Variants in SSU72 observed in about 807,000 individuals in gnomAD.
SSU72 encodes the protein RNA polymerase II subunit A C-terminal domain phosphatase SSU72.
A neutral mutation model predicts 22.7 loss-of-function variants in SSU72; 12 were observed. The observed-to-expected ratio is 0.53, with a 90% confidence interval of 0.34 to 0.86. The LOEUF (loss-of-function observed/expected upper bound fraction) is 0.86. Ranked by LOEUF, SSU72 falls within the 40% of genes least tolerant of loss-of-function variation. The pLI is 0.02. For synonymous variants in SSU72, 116 were observed against 98.3 expected (o/e 1.18, Z -1.06); for missense variants, 151 against 249.8 (o/e 0.60, Z 2.67).
chr1:1,572,457 T>G (rs1009583512), intron 1 of SSU72, among the ~76,000 whole-genome samples: 1 of 150,394 alleles, frequency 6.6e-6, no homozygotes, highest in Non-Finnish European at 1.5e-5. Context: ...CAACTTTATT[T>G]TATTTATGTA....
chr1:1,547,196 C>G (rs1447423898), intron 2 of SSU72, among the ~76,000 whole-genome samples: 4 of 152,108 alleles, frequency 2.6e-5, no homozygotes, highest in Non-Finnish European at 4.4e-5. Context: ...CCCTGCACAT[C>G]CCTGAGCAAG....
In SSU72 at chr1:1,542,232, G is replaced by A; in HGVS notation, c.484-65C>T. Reference sequence around the variant, plus strand: ...TGCCTGTCTGCTCCCCCTAACACCTGGATCGCCAGGGAAACGCCAGGCCTG... The same window carrying A: ...TGCCTGTCTGCTCCCCCTAACACCTAGATCGCCAGGGAAACGCCAGGCCTG... On this transcript the variant is annotated intron_variant, in intron 4 of 4. Coordinates refer to ENST00000291386, the MANE Select transcript of SSU72 (RefSeq NM_014188.3). The surrounding 1 kb of genome is among the most constrained non-coding windows in gnomAD (Gnocchi z 4.4). The A allele has an allele frequency of 4.8e-6, 7 of 1,467,744 alleles. No homozygotes were observed. Among genetic ancestry groups the A allele is most frequent in the Non-Finnish European group, 6.5e-6 (7 of 1,072,962 alleles). 90.9% of individuals were successfully genotyped at this position (1,467,744 alleles called of 1,614,324 possible). A position where few individuals can be genotyped will look rare whatever the true frequency, so the allele number is the denominator to read the frequency against.
At chr1:1,559,733 T>C (rs1642564225) in intron 2 of SSU72, among the ~76,000 whole-genome samples, 2 of 113,794 alleles carry the variant, frequency 1.8e-5, no homozygotes. Flanking sequence ...CTACTTTTTG[T>C]ATTTTATTTT....
At position 1,574,781 on chromosome 1, in the gene SSU72, G is replaced by A. The variant is rs1368979905; in HGVS notation, c.-224C>T. On this transcript the variant is annotated 5_prime_UTR_variant, in exon 1 of 5. Coordinates refer to ENST00000291386, the MANE Select transcript of SSU72 (RefSeq NM_014188.3). The stretch of plus-strand genomic sequence containing the variant: ...GGCCTTCGGGCGCGCTGCACTCGGC[G>A]AGGCCGGGGGCGGCCAACGCCGCGC... 1.3e-5 allele frequency: 3 copies of A among 232,758 alleles called. No individual in the cohort carries two copies. Among genetic ancestry groups the A allele is most frequent in the African/African-American group, 4.7e-5 (2 of 42,530 alleles). 14.4% of individuals were successfully genotyped at this position (232,758 alleles called of 1,614,324 possible).
chr1:1,573,265 C>CAAAAA (rs57824669), intron 1 of SSU72, among the ~76,000 whole-genome samples: 1,687 of 131,284 alleles, frequency 0.013, 40 homozygotes, highest in African/African-American at 0.032. Flanking sequence ...ACTAAAAATA[C>CAAAAA]AAAAAAAAAA....
Position 1,542,245 on chromosome 1 carries a change from A to C in SSU72, c.484-78T>G. The C allele has an allele frequency of 7.2e-7, 1 of 1,389,830 alleles. No homozygotes were observed. The highest frequency in any genetic ancestry group is 1.0e-6 in the Non-Finnish European group (1 of 1,004,038). The allele number at this position is 1,389,830 out of a possible 1,614,324, so 86.1% of individuals were successfully genotyped here. A position where few individuals can be genotyped will look rare whatever the true frequency, so the allele number is the denominator to read the frequency against. ...CCCCTAACACCTGGATCGCCAGGGA[A>C]ACGCCAGGCCTGAGCCAGCAGAAAC... On this transcript the variant is annotated intron_variant, in intron 4 of 4. Transcript: ENST00000291386. This position sits in a 1 kb window ranked among gnomAD's most constrained non-coding sequence, Gnocchi z 4.4.
chr1:1,552,452 T>C (rs998907195), intron 2 of SSU72, among the ~76,000 whole-genome samples: 1 of 152,172 alleles, frequency 6.6e-6, no homozygotes, highest in African/African-American at 2.4e-5. Flanking sequence ...TCCTGACAAA[T>C]GATCCGGTGT....
intron 2 of SSU72, among the ~76,000 whole-genome samples, chr1:1,549,713 G>A (rs865962895): frequency 4.6e-5 from 7 of 151,014 alleles, no homozygotes; most frequent in South Asian, 2.1e-4. Context: ...AGTGGCTCAC[G>A]CCTGTAATCC....
chr1:1,564,910 C>G lies in SSU72; in HGVS notation c.87G>C (p.Arg29=). Reference sequence around the variant, plus strand: ...TTCCAAAGGATCGGACGCTGAATCCCCGTTTGCTGAAAGACAAAAGGAGAG... The same window carrying G: ...TTCCAAAGGATCGGACGCTGAATCCGCGTTTGCTGAAAGACAAAAGGAGAG... ...SMEAHNILSK[R]GFSVRSFGTG... Residue 29 remains arginine (R), a synonymous_variant, in exon 2 of 5, where the codon CGG becomes CGC. Coordinates refer to ENST00000291386, the MANE Select transcript of SSU72 (RefSeq NM_014188.3). 1 of 1,596,888 alleles carries G rather than the reference C, an allele frequency of 6.3e-7. No homozygotes were observed. Among genetic ancestry groups the G allele is most frequent in the South Asian group, 1.1e-5 (1 of 88,652 alleles).
At chr1:1,544,789 G>A (rs1411884566) in intron 3 of SSU72, 74 bp downstream of exon 3, 4 of 1,604,660 alleles carry the variant, frequency 2.5e-6, no homozygotes, top group South Asian at 1.1e-5. Flanking sequence ...ACTGGTCATG[G>A]TGGGGCCCTG....
chr1:1,552,126 AGGGCAGAC>A (rs765096708), intron 2 of SSU72, among the ~76,000 whole-genome samples: 3 of 152,146 alleles, frequency 2.0e-5, no homozygotes, highest in African/African-American at 4.8e-5. Flanking sequence ...CGGCTGCCCC[AGGGCAGAC>A]CATCCTCACG....
chr1:1,541,772 A>G lies in SSU72; in HGVS notation c.*294T>C. Reference sequence around the variant, plus strand: ...CCGGTGGGGAGGAGGGAGGGAAGGCAGGCACACGAAGACACAGGTATGTCG... The same window carrying G: ...CCGGTGGGGAGGAGGGAGGGAAGGCGGGCACACGAAGACACAGGTATGTCG... On this transcript the variant is annotated 3_prime_UTR_variant, in exon 5 of 5. Transcript: ENST00000291386. 2.5e-6 allele frequency: 1 copy of G among 401,916 alleles called. No individual in the cohort carries two copies. The highest frequency in any genetic ancestry group is 2.2e-5 in the South Asian group (1 of 45,616). 24.9% of individuals were successfully genotyped at this position (401,916 alleles called of 1,614,324 possible).
At chr1:1,565,053 A>T (rs1642641211) in intron 1 of SSU72, 137 bp from the exon 2 acceptor site, 1 of 1,266,170 alleles carries the variant, frequency 7.9e-7, no homozygotes, top group African/African-American at 1.5e-5. Context: ...CAAATTTTTA[A>T]TCTAGGCCGG....
chr1:1,558,624 G>A (rs1455734924), intron 2 of SSU72, among the ~76,000 whole-genome samples: 1 of 152,200 alleles, frequency 6.6e-6, no homozygotes, highest in Non-Finnish European at 1.5e-5. Flanking sequence ...ACAAAAAGCT[G>A]GTAAACCTTC....
Position 1,542,098 on chromosome 1 carries a change from G to A in SSU72, c.553C>T (p.Arg185Cys), listed in dbSNP as rs1187980085. The A allele has an allele frequency of 8.8e-6, 14 of 1,591,160 alleles. No homozygotes were observed. Among genetic ancestry groups the A allele is most frequent in the East Asian group, 2.3e-5 (1 of 44,104 alleles). ...AAGCAGACGGTGTGCAGAAAGGTGC[G>A]GCCACTCTTCTCCTCGAACTCCTGC... is the stretch of plus-strand genomic sequence containing the variant. ...LLQEFEEKSG[R>C]TFLHTVCFY The change falls in exon 5 of 5, where the codon CGC (arginine) becomes TGC (cysteine). Residue 185 changes from arginine (R) to cysteine (C), a missense_variant. Coordinates refer to ENST00000291386, the MANE Select transcript of SSU72 (RefSeq NM_014188.3). This position sits in a 1 kb window ranked among gnomAD's most constrained non-coding sequence, Gnocchi z 4.4.
rs778305685 is a variant in SSU72, at chr1:1,543,943, C to T, written c.409G>A (p.Val137Ile). ...EQETCQPVHV[V>I]NVDIQDNHEE... Reference sequence around the variant, plus strand: ...TGGTTGTCCTGGATGTCCACATTGACCACGTGCACAGGCTGGCAGGTCTCC... The same window carrying T: ...TGGTTGTCCTGGATGTCCACATTGATCACGTGCACAGGCTGGCAGGTCTCC... The change falls in exon 4 of 5, where the codon GTC becomes ATC. Residue 137 changes from valine (V) to isoleucine (I), a missense_variant. By Grantham distance (29) the Val-to-Ile change is conservative (BLOSUM62 3). Coordinates refer to ENST00000291386, the MANE Select transcript of SSU72 (RefSeq NM_014188.3). The T allele has an allele frequency of 1.9e-6, 3 of 1,614,066 alleles. No homozygotes were observed. Among genetic ancestry groups the T allele is most frequent in the South Asian group, 2.2e-5 (2 of 91,078 alleles).
chr1:1,573,172 C>G (rs1350397434), intron 1 of SSU72, among the ~76,000 whole-genome samples: 1 of 151,012 alleles, frequency 6.6e-6, no homozygotes, highest in African/African-American at 2.4e-5. Flanking sequence ...CCTGTAATCC[C>G]AGCACTTTGG....
intron 2 of SSU72, among the ~76,000 whole-genome samples, chr1:1,553,991 A>G (rs1642486111): frequency 6.6e-6 from 1 of 152,176 alleles, no homozygotes; most frequent in Non-Finnish European, 1.5e-5. Flanking sequence ...GGACCACCAG[A>G]CTACGTCAGT....
intron 2 of SSU72, among the ~76,000 whole-genome samples, chr1:1,556,349 C>T (rs1244596223): frequency 3.9e-5 from 6 of 152,124 alleles, no homozygotes; most frequent in African/African-American, 1.4e-4. Flanking sequence ...AGGAGAATCA[C>T]TTGAACAAGG....
Sources: gnomAD v4.1 joint callset for allele counts (sites outside exome capture counted in the v4.1 genomes callset) on GRCh38, gnomAD v4.1.1 for gene constraint, Gnocchi (gnomAD v3.1) non-coding constraint, MANE v1.5 for transcripts, NCBI Gene and HGNC (gene_info 2026-07-23, HGNC 2026-07-21) for gene names.